Variants in PIK3CD observed in about 807,000 individuals in gnomAD.
PIK3CD encodes phosphatidylinositol 4,5-bisphosphate 3-kinase catalytic subunit delta isoform.
Under a neutral mutation model 122.9 loss-of-function variants are expected in PIK3CD, and 20 were observed. The observed-to-expected ratio is 0.16, with a 90% CI of 0.11 to 0.24. The LOEUF is 0.24. Ranked by LOEUF, PIK3CD falls within the 10% of genes least tolerant of loss-of-function variation. The pLI is 1.00. For synonymous variants in PIK3CD, 596 were observed against 593.4 expected (o/e 1.00, Z -0.06); for missense variants, 787 against 1,406.3 (o/e 0.56, Z 7.04).
intron 1 of PIK3CD, among the ~76,000 whole-genome samples, chr1:9,675,222 A>G (rs1319315497): frequency 1.3e-5 from 2 of 150,540 alleles, no homozygotes; most frequent in African/African-American, 2.4e-5. Flanking sequence ...CGTCTCTACT[A>G]AAAATACAAA....
rs1326655844 is a variant in PIK3CD at position 9,719,837 on chromosome 1, C to T, written c.1243-84C>T. On this transcript the variant is annotated intron_variant, in intron 9 of 23. Coordinates refer to ENST00000377346, the MANE Select transcript of PIK3CD (RefSeq NM_005026.5). This position sits in a 1 kb window ranked among gnomAD's most constrained non-coding sequence, Gnocchi z 5.5. ...ATGTTAGCTGGGCTCTGGGTCTTCTCGGGTGGGGTGCCTGGGGGAGGGCAG... is the reference window on the plus strand; with the variant it reads ...ATGTTAGCTGGGCTCTGGGTCTTCTTGGGTGGGGTGCCTGGGGGAGGGCAG... 1.3e-5 allele frequency: 14 copies of T among 1,096,478 alleles called. No individual in the cohort carries two copies. The highest frequency in any genetic ancestry group is 1.2e-4 in the East Asian group (5 of 42,576). 67.9% of individuals were successfully genotyped at this position (1,096,478 alleles called of 1,614,324 possible).
At position 9,727,517 on chromosome 1, in the gene PIK3CD, G is replaced by A. The variant is rs180795540; in HGVS notation, c.*471G>A. The A allele has an allele frequency of 9.9e-5, 26 of 262,040 alleles. No individual in the cohort carries two copies. The highest frequency in any genetic ancestry group is 4.6e-4 in the African/African-American group (21 of 45,480). The allele number at this position is 262,040 out of a possible 1,614,324, so 16.2% of individuals were successfully genotyped here. ...GTTCTGGCAGCTCCCCGAGGCAGCCGGGGTACCCTCTAGATTCAGGGATGC... is the reference window on the plus strand; with the variant it reads ...GTTCTGGCAGCTCCCCGAGGCAGCCAGGGTACCCTCTAGATTCAGGGATGC... On this transcript the variant is annotated 3_prime_UTR_variant, in exon 24 of 24. Coordinates refer to ENST00000377346, the MANE Select transcript of PIK3CD (RefSeq NM_005026.5).
At chr1:9,642,763 A>G in the PIK3CD span, among the ~76,000 whole-genome samples, 346 of 150,544 alleles carry the variant, frequency 2.3e-3, 7 homozygotes, top group Non-Finnish European at 2.9e-3. Context: ...TCTCCAGCAC[A>G]CTAGCGTGTC....
the PIK3CD span, among the ~76,000 whole-genome samples, chr1:9,628,219 T>A: frequency 6.6e-6 from 1 of 151,400 alleles, no homozygotes; most frequent in Non-Finnish European, 1.5e-5. Flanking sequence ...GGAAAATCGC[T>A]TGAATCTGGG....
chr1:9,717,659 GT>G lies in PIK3CD; in HGVS notation c.1020+40del. On this transcript the variant is annotated intron_variant, in intron 8 of 23. Coordinates refer to ENST00000377346, the MANE Select transcript of PIK3CD (RefSeq NM_005026.5). The surrounding 1 kb of genome is among the most constrained non-coding windows in gnomAD (Gnocchi z 5.4). Reference sequence around the variant, plus strand: ...TCCTGGGATAGGTGGGAGAGACACTGTTTTTTTGCACAAACAAGGTGGCTGT... The same window carrying G: ...TCCTGGGATAGGTGGGAGAGACACTGTTTTTTGCACAAACAAGGTGGCTGT... 1 of 1,596,968 alleles carries G rather than the reference GT, an allele frequency of 6.3e-7. No homozygotes were observed. Among genetic ancestry groups the G allele is most frequent in the Non-Finnish European group, 8.6e-7 (1 of 1,164,994 alleles).
At position 9,720,718 on chromosome 1, in the gene PIK3CD, C is replaced by G; in HGVS notation, c.1522-24C>G. 2 of 1,605,936 alleles carry G rather than the reference C, an allele frequency of 1.2e-6. No individual in the cohort carries two copies. The highest frequency in any genetic ancestry group is 1.7e-6 in the Non-Finnish European group (2 of 1,177,582). ...ATGGAGCCGGCGTGGAACCAGAGCC[C>G]TCACTCCTGCCCACACCCCTCAGCA... On this transcript the variant is annotated intron_variant, in intron 12 of 23. Coordinates refer to ENST00000377346, the MANE Select transcript of PIK3CD (RefSeq NM_005026.5). The surrounding 1 kb of genome is among the most constrained non-coding windows in gnomAD (Gnocchi z 9.0).
At position 9,722,116 on chromosome 1, in the gene PIK3CD, TC is replaced by T. The variant is rs761196984; in HGVS notation, c.2201del (p.Pro734HisfsTer23). On this transcript the variant is annotated frameshift_variant, in exon 17 of 24. Transcript: ENST00000377346. LOFTEE classifies it high-confidence loss of function. The surrounding 1 kb of genome is among the most constrained non-coding windows in gnomAD (Gnocchi z 7.6). ...CCTAGAGGCCCTCTCCCACCTGCAG[TC>T]CCCACTCGACCCCAGCACCCTGCTG... ...AYLEALSHLQ[S>X]PLDPSTLLAE... The T allele has an allele frequency of 6.2e-7, 1 of 1,613,076 alleles. No homozygotes were observed. The highest frequency in any genetic ancestry group is 8.5e-7 in the Non-Finnish European group (1 of 1,179,888).
At position 9,710,005 on chromosome 1, in the gene PIK3CD, CAAA is replaced by C. The variant is rs796460801; in HGVS notation, c.-32-408_-32-406del. Among the ~76,000 whole-genome samples the C allele has an allele frequency of 7.7e-6, 1 of 130,044 alleles. No homozygotes were observed. The highest frequency in any genetic ancestry group is 1.7e-5 in the Non-Finnish European group (1 of 59,636). 85.3% of individuals were successfully genotyped at this position (130,044 alleles called of 152,430 possible). A position where few individuals can be genotyped will look rare whatever the true frequency, so the allele number is the denominator to read the frequency against. On this transcript the variant is annotated intron_variant, in intron 2 of 23. Transcript: ENST00000377346. This position sits in a 1 kb window ranked among gnomAD's most constrained non-coding sequence, Gnocchi z 4.7. ...TGGGTGACAGAGCAAGACTCCGGCTCAAAAAAAAAAAAAGAATGTATTTCAAAG... is the reference window on the plus strand; with the variant it reads ...TGGGTGACAGAGCAAGACTCCGGCTCAAAAAAAAAAGAATGTATTTCAAAG...
Position 9,716,074 on chromosome 1 carries a change from G to A in PIK3CD, c.596G>A (p.Ser199Asn). Reference sequence around the variant, plus strand: ...CTGGTCAACGTTAAGTTTGAGGGCAGCGAGGTGAGCCCATGCGTGGCCTGC... The same window carrying A: ...CTGGTCAACGTTAAGTTTGAGGGCAACGAGGTGAGCCCATGCGTGGCCTGC... ...ALLVNVKFEG[S>N]EESFTFQVST... Residue 199 changes from serine to asparagine, a missense_variant, in exon 5 of 24, where the codon AGC becomes AAC. Ser to Asn is a conservative substitution (Grantham distance 46). Coordinates refer to ENST00000377346, the MANE Select transcript of PIK3CD (RefSeq NM_005026.5). 2 of 1,611,586 alleles carry A rather than the reference G, an allele frequency of 1.2e-6. No homozygotes were observed. The highest frequency in any genetic ancestry group is 1.7e-6 in the Non-Finnish European group (2 of 1,179,364).
the PIK3CD span, among the ~76,000 whole-genome samples, chr1:9,642,150 T>C: frequency 0.39 from 58,923 of 151,708 alleles, 15,707 homozygotes; most frequent in East Asian, 0.77. Flanking sequence ...TCTCACTCTG[T>C]TGCCCAGGCT....
chr1:9,655,481 G>A (rs896979976), intron 1 of PIK3CD, among the ~76,000 whole-genome samples: 1 of 79,286 alleles, frequency 1.3e-5, no homozygotes, highest in African/African-American at 9.2e-5. Flanking sequence ...TAAACACTGT[G>A]ACTTGCTGTG....
At chr1:9,629,370 G>A in the PIK3CD span, among the ~76,000 whole-genome samples, 1 of 151,892 alleles carries the variant, frequency 6.6e-6, no homozygotes, top group Non-Finnish European at 1.5e-5. Context: ...AGGGGAGGAC[G>A]GTCCTCAGCA....
rs1280783681 is a variant in PIK3CD, at chr1:9,722,364, C to T, written c.2347+8C>T. 1.9e-6 allele frequency: 3 copies of T among 1,603,574 alleles called. No individual in the cohort carries two copies. ...TCTTTAAGAACGGGGATGGTGAGGG[C>T]CTGGCCTCCCCACACCCCGCCTGTA... On this transcript the variant is annotated splice_region_variant and intron_variant, in intron 18 of 23. Coordinates refer to ENST00000377346, the MANE Select transcript of PIK3CD (RefSeq NM_005026.5). This position sits in a 1 kb window ranked among gnomAD's most constrained non-coding sequence, Gnocchi z 7.6.
intron 2 of PIK3CD, among the ~76,000 whole-genome samples, chr1:9,702,463 T>A (rs1646671260): frequency 6.9e-6 from 1 of 145,928 alleles, no homozygotes; most frequent in Non-Finnish European, 1.5e-5. Context: ...GGAGTTTGAC[T>A]CTTAGAGGCA....
chr1:9,656,997 A>T (rs2100765612), intron 1 of PIK3CD, among the ~76,000 whole-genome samples: 2 of 151,708 alleles, frequency 1.3e-5, no homozygotes, highest in Admixed American at 1.3e-4. Context: ...GCCAGAAGTT[A>T]AAAATTAAGG....
chr1:9,712,828 G>C (rs776195115), intron 3 of PIK3CD, among the ~76,000 whole-genome samples: 3 of 152,076 alleles, frequency 2.0e-5, no homozygotes, highest in Non-Finnish European at 4.4e-5. Context: ...TTGAGCCCAG[G>C]AGTTCGAGAC....
chr1:9,643,537 C>T, the PIK3CD span, among the ~76,000 whole-genome samples: 4,179 of 152,008 alleles, frequency 0.027, 148 homozygotes, highest in African/African-American at 0.073. Flanking sequence ...ATAAATAACT[C>T]TTCTAGAGCA....
Position 9,720,173 on chromosome 1 carries a change from C to A in PIK3CD, c.1401C>A (p.Ser467Arg). ...GTVRSNPNTD[S>R]AAALLICLPE... ...TGCGCAGTAACCCCAACACGGATAG[C>A]GCCGCTGCCCTGCTCATCTGCCTGC... The change falls in exon 11 of 24, where the codon AGC (serine) becomes AGA (arginine). Residue 467 changes from serine (S) to arginine (R), a missense_variant. Around this residue, in one of 6 missense-constraint regions of PIK3CD, gnomAD observed 592 missense variants for 920.6 expected, o/e 0.64. Coordinates refer to ENST00000377346, the MANE Select transcript of PIK3CD (RefSeq NM_005026.5). The surrounding 1 kb of genome is among the most constrained non-coding windows in gnomAD (Gnocchi z 9.0). 6.2e-7 allele frequency: 1 copy of A among 1,612,676 alleles called. No homozygotes were observed. Among genetic ancestry groups the A allele is most frequent in the Non-Finnish European group, 8.5e-7 (1 of 1,179,658 alleles).
At chr1:9,637,856 CA>C in the PIK3CD span, among the ~76,000 whole-genome samples, 2 of 152,170 alleles carry the variant, frequency 1.3e-5, no homozygotes, top group African/African-American at 4.8e-5. Flanking sequence ...TGGCTCCCAG[CA>C]CTTTGGGAGG....
Sources: gnomAD v4.1 joint callset for allele counts (sites outside exome capture counted in the v4.1 genomes callset) on GRCh38, gnomAD v4.1.1 for gene constraint, gnomAD v4.1.1 regional missense constraint, Gnocchi (gnomAD v3.1) non-coding constraint, MANE v1.5 for transcripts, NCBI Gene and HGNC (gene_info 2026-07-23, HGNC 2026-07-21) for gene names.